The following RXFP2 variants were observed in gnomAD, a reference collection of about 807,000 sequenced individuals.
RXFP2 encodes relaxin family peptide receptor 2, also known as relaxin receptor 2.
In RXFP2, 68 loss-of-function variants were observed where a neutral mutation model predicts 88.6. The ratio of observed to expected loss-of-function variants is 0.77; its 90% CI spans 0.63 to 0.94. The LOEUF (loss-of-function observed/expected upper bound fraction) is 0.94, where lower values mean the gene tolerates loss of function less well. Ranked by LOEUF, RXFP2 falls within the 40% of genes least tolerant of loss-of-function variation. The probability of loss-of-function intolerance (pLI) is 0.00; values close to 1 mark genes in which losing one functional copy is unlikely to be tolerated. For synonymous variants in RXFP2, 329 were observed against 306.8 expected, an observed-to-expected ratio of 1.07 and a Z score of -0.76; for missense variants, 791 against 893.9, an observed-to-expected ratio of 0.88 and a Z score of 1.47.
At chr13:31,766,055 T>TG (rs761277213) in intron 5 of RXFP2, 28 bp downstream of exon 5, 4 of 1,061,762 alleles carry the variant, frequency 3.8e-6, no homozygotes, top group African/African-American at 2.2e-5. Context: ...GCATATTTAT[T>TG]TAAAAAAAAT....
rs1314173893 is a variant in RXFP2 at position 31,779,784 on chromosome 13, C to T, written c.785+1201C>T. 2.6e-5 allele frequency among the ~76,000 whole-genome samples: 4 copies of T among 152,188 alleles called. No homozygotes were observed. The East Asian group carries it at 7.7e-4, about 29-fold the overall frequency. On this transcript the variant is annotated intron_variant, in intron 9 of 17. Coordinates refer to ENST00000298386, the MANE Select transcript of RXFP2 (RefSeq NM_130806.5). ...ACTTCAGCTTTTGATCCCCTCTAAA[C>T]TAACCTCAAAATCTCTTGTTACAAC...
chr13:31,747,367 TA>T (rs1393715248), intron 1 of RXFP2, among the ~76,000 whole-genome samples: 7 of 152,042 alleles, frequency 4.6e-5, no homozygotes, highest in Non-Finnish European at 8.8e-5. Flanking sequence ...GTTTTTCACT[TA>T]AAAAAACTGA....
At chr13:31,765,434 T>C (rs1396810557) in intron 4 of RXFP2, among the ~76,000 whole-genome samples, 1 of 66,222 alleles carries the variant, frequency 1.5e-5, no homozygotes, top group Non-Finnish European at 4.0e-5. Context: ...TTGAAATGCT[T>C]TTTTTTTTTG....
chr13:31,802,899 A>G lies in RXFP2; in HGVS notation c.*494A>G, dbSNP rs771829347. On this transcript the variant is annotated 3_prime_UTR_variant, in exon 18 of 18. Coordinates refer to ENST00000298386, the MANE Select transcript of RXFP2 (RefSeq NM_130806.5). ...CAAAGGATTTCCAAAATATTCATCTACCCGAAGTCCTCCTCTGTGAAGGCC... is the reference window on the plus strand; with the variant it reads ...CAAAGGATTTCCAAAATATTCATCTGCCCGAAGTCCTCCTCTGTGAAGGCC... 7.3e-5 allele frequency: 12 copies of G among 164,328 alleles called. No individual in the cohort carries two copies. Among genetic ancestry groups the G allele is most frequent in the Non-Finnish European group, 1.2e-4 (9 of 74,838 alleles). The allele number at this position is 164,328 out of a possible 1,614,324, so 10.2% of individuals were successfully genotyped here.
At chr13:31,767,767 A>T (rs956494307) in intron 5 of RXFP2, among the ~76,000 whole-genome samples, 2 of 152,226 alleles carry the variant, frequency 1.3e-5, no homozygotes, top group African/African-American at 4.8e-5. Flanking sequence ...TTACTTTACC[A>T]TAACAGGAAA....
intron 1 of RXFP2, among the ~76,000 whole-genome samples, chr13:31,751,077 G>T (rs996104523): frequency 1.3e-5 from 2 of 152,076 alleles, no homozygotes; most frequent in Non-Finnish European, 2.9e-5. Context: ...ATCATCTGAG[G>T]TCAGGAGTTC....
At chr13:31,755,060 C>T (rs1012236820) in intron 1 of RXFP2, among the ~76,000 whole-genome samples, 1 of 152,148 alleles carries the variant, frequency 6.6e-6, no homozygotes, top group Non-Finnish European at 1.5e-5. Flanking sequence ...CCAAAACATA[C>T]CCACAAGGGA....
At chr13:31,758,775 T>C (rs1397180724) in intron 2 of RXFP2, among the ~76,000 whole-genome samples, 1 of 152,142 alleles carries the variant, frequency 6.6e-6, no homozygotes, top group Non-Finnish European at 1.5e-5. Flanking sequence ...TGGCGGCTCA[T>C]GCCTATAACC....
intron 1 of RXFP2, among the ~76,000 whole-genome samples, chr13:31,743,018 C>G (rs1357100828): frequency 1.3e-5 from 2 of 152,130 alleles, no homozygotes; most frequent in African/African-American, 4.8e-5. Context: ...CTCTCATATG[C>G]TTTACTCACC....
intron 3 of RXFP2, among the ~76,000 whole-genome samples, chr13:31,762,666 A>T (rs1383086169): frequency 1.3e-5 from 2 of 152,172 alleles, no homozygotes; most frequent in African/African-American, 4.8e-5. Flanking sequence ...CATATATATC[A>T]AATACTACAC....
chr13:31,769,547 T>A (rs1438275971), intron 5 of RXFP2, among the ~76,000 whole-genome samples: 1 of 152,212 alleles, frequency 6.6e-6, no homozygotes, highest in African/African-American at 2.4e-5. Flanking sequence ...TTTGTCTTGA[T>A]GGGTGACATC....
intron 7 of RXFP2, among the ~76,000 whole-genome samples, chr13:31,776,146 TTCTC>T (rs1166977388): frequency 5.7e-5 from 7 of 122,978 alleles, no homozygotes; most frequent in African/African-American, 9.0e-5. Context: ...TTCTTTCTCT[TTCTC>T]TCTCTCTCTC....
Position 31,792,733 on chromosome 13 carries a change from A to C in RXFP2, c.1431A>C (p.Lys477Asn). 6.2e-7 allele frequency: 1 copy of C among 1,614,102 alleles called. No homozygotes were observed. The highest frequency in any genetic ancestry group is 1.6e-4 in the Middle Eastern group (1 of 6,062). The change falls in exon 16 of 18, where the codon AAA becomes AAC. Residue 477 changes from lysine to asparagine, a missense_variant. Coordinates refer to ENST00000298386, the MANE Select transcript of RXFP2 (RefSeq NM_130806.5). ...YLFFVGIFDI[K>N]YRGQYQKYAL... Reference sequence around the variant, plus strand: ...TCTTTGTTGGCATTTTCGATATAAAATACCGAGGGCAGTATCAGAAGTATG... The same window carrying C: ...TCTTTGTTGGCATTTTCGATATAAACTACCGAGGGCAGTATCAGAAGTATG...
At chr13:31,764,883 T>G (rs1277890938) in intron 3 of RXFP2, among the ~76,000 whole-genome samples, 154 bp from the exon 4 acceptor site, 1 of 152,218 alleles carries the variant, frequency 6.6e-6, no homozygotes, top group African/African-American at 2.4e-5. Context: ...TAGGAGAGAA[T>G]TCTTATTTAA....
intron 5 of RXFP2, among the ~76,000 whole-genome samples, chr13:31,772,596 C>A (rs571176777): frequency 8.2e-4 from 125 of 152,286 alleles, no homozygotes; most frequent in African/African-American, 2.8e-3. Context: ...TACTATTCTG[C>A]AAAGAAGACA....
intron 9 of RXFP2, 97 bp from the exon 10 acceptor site, chr13:31,781,574 G>T: frequency 1.2e-6 from 1 of 832,348 alleles, no homozygotes; most frequent in Non-Finnish European, 2.0e-6. Flanking sequence ...CAACTGGAAT[G>T]AAGTAAAAAT....
At chr13:31,791,755 A>C in intron 14 of RXFP2, 51 bp from the exon 15 acceptor site, 1 of 1,238,888 alleles carries the variant, frequency 8.1e-7, no homozygotes, top group Non-Finnish European at 1.2e-6. Flanking sequence ...CTGCAACTGT[A>C]GGTTCTGTAT....
Position 31,765,076 on chromosome 13 carries a change from C to T in RXFP2, c.359C>T (p.Thr120Ile). Reference sequence around the variant, plus strand: ...CCACAATGCTGTGACTGCAAAGAAACTGAATTGGAATGTGTAAATGGTGAC... The same window carrying T: ...CCACAATGCTGTGACTGCAAAGAAATTGAATTGGAATGTGTAAATGGTGAC... ...QYPQCCDCKE[T>I]ELECVNGDLK... Residue 120 changes from threonine (T) to isoleucine (I), a missense_variant, in exon 4 of 18, where the codon ACT (threonine) becomes ATT (isoleucine). By Grantham distance (89) the Thr-to-Ile change is moderately conservative (BLOSUM62 -1). Transcript: ENST00000298386. The T allele has an allele frequency of 1.9e-6, 3 of 1,611,708 alleles. No homozygotes were observed. The highest frequency in any genetic ancestry group is 2.5e-6 in the Non-Finnish European group (3 of 1,178,088).
At chr13:31,744,007 C>G (rs1871312111) in intron 1 of RXFP2, among the ~76,000 whole-genome samples, 1 of 152,186 alleles carries the variant, frequency 6.6e-6, no homozygotes, top group African/African-American at 2.4e-5. Flanking sequence ...CACCTCCTGT[C>G]TTTGCCGAGC....
Sources: gnomAD v4.1 joint callset for allele counts (sites outside exome capture counted in the v4.1 genomes callset) on GRCh38, gnomAD v4.1.1 for gene constraint, MANE v1.5 for transcripts, NCBI Gene and HGNC (gene_info 2026-07-23, HGNC 2026-07-21) for gene names.